Variants in AGMO observed in about 807,000 individuals in gnomAD.
The protein encoded by AGMO is glyceryl-ether monooxygenase.
Under a neutral mutation model 60.2 loss-of-function variants are expected in AGMO, and 75 were observed. That is an observed-to-expected ratio of 1.25 (90% CI 1.03 to 1.51). The LOEUF is 1.51. Ranked by LOEUF, AGMO falls within the 40% of genes most tolerant of loss-of-function variation. The pLI, the probability that AGMO is intolerant of heterozygous loss-of-function variation, is 0.00. For synonymous variants in AGMO, 261 were observed against 177.1 expected (o/e 1.47, Z -3.76); for missense variants, 763 against 525.5 (o/e 1.45, Z -4.42).
At chr7:15,142,337 G>A in the AGMO span, among the ~76,000 whole-genome samples, 8,940 of 152,142 alleles carry the variant, frequency 0.059, 388 homozygotes, top group African/African-American at 0.12. Flanking sequence ...CCTGGAGAAA[G>A]AAGCAAGACC....
At chr7:15,158,578 G>A in the AGMO span, among the ~76,000 whole-genome samples, 1 of 152,118 alleles carries the variant, frequency 6.6e-6, no homozygotes, top group Non-Finnish European at 1.5e-5. Flanking sequence ...TAGCATTCAT[G>A]CAAAGGAAAT....
At chr7:15,273,953 G>C (rs933018770) in intron 12 of AGMO, among the ~76,000 whole-genome samples, 1 of 152,142 alleles carries the variant, frequency 6.6e-6, no homozygotes, top group African/African-American at 2.4e-5. Flanking sequence ...GAATGCTTGT[G>C]ATTTTTGTAC....
At chr7:15,348,568 CTTCT>C (rs1246683551) in intron 12 of AGMO, among the ~76,000 whole-genome samples, 11 of 152,124 alleles carry the variant, frequency 7.2e-5, no homozygotes, top group African/African-American at 2.6e-4. Context: ...TTGTATTTTT[CTTCT>C]TTCTATAGCT....
chr7:15,407,385 A>G (rs1784735457), intron 5 of AGMO, among the ~76,000 whole-genome samples: 1 of 151,426 alleles, frequency 6.6e-6, no homozygotes, highest in Non-Finnish European at 1.5e-5. Context: ...ATAGAACAAG[A>G]AATGTATAGG....
chr7:15,302,770 G>A (rs1780482850), intron 12 of AGMO, among the ~76,000 whole-genome samples: 1 of 152,098 alleles, frequency 6.6e-6, no homozygotes, highest in Non-Finnish European at 1.5e-5. Context: ...TGGTACGGTT[G>A]CTGGAATACA....
At chr7:15,465,415 A>G (rs1316947833) in intron 3 of AGMO, among the ~76,000 whole-genome samples, 1 of 150,642 alleles carries the variant, frequency 6.6e-6, no homozygotes, top group African/African-American at 2.4e-5. Context: ...AAACAGAATA[A>G]AAGTCTCAAA....
intron 12 of AGMO, among the ~76,000 whole-genome samples, chr7:15,267,773 G>C (rs1343579610): frequency 6.6e-6 from 1 of 151,878 alleles, no homozygotes; most frequent in Non-Finnish European, 1.5e-5. Flanking sequence ...GGAAAAACTT[G>C]TAACAAAATG....
intron 5 of AGMO, among the ~76,000 whole-genome samples, chr7:15,404,145 A>G (rs1360535852): frequency 6.6e-6 from 1 of 151,930 alleles, no homozygotes; most frequent in Non-Finnish European, 1.5e-5. Flanking sequence ...CAGAGGGAGT[A>G]AATTTCTGAT....
intron 12 of AGMO, among the ~76,000 whole-genome samples, chr7:15,245,149 G>A (rs1181580524): frequency 6.6e-6 from 1 of 151,988 alleles, no homozygotes; most frequent in Non-Finnish European, 1.5e-5. Flanking sequence ...AGTAGATTAG[G>A]GTATTGTACA....
At chr7:15,365,263 G>A (rs921724504) in intron 12 of AGMO, among the ~76,000 whole-genome samples, 4 of 151,030 alleles carry the variant, frequency 2.6e-5, no homozygotes, top group Non-Finnish European at 4.4e-5. Context: ...GTTGTGTAAT[G>A]TAATGTGTCC....
Position 15,547,503 on chromosome 7 carries a change from G to A in AGMO, c.258-2580C>T, listed in dbSNP as rs1047810581. 5.9e-5 allele frequency among the ~76,000 whole-genome samples: 9 copies of A among 152,280 alleles called. No individual in the cohort carries two copies. In the South Asian group the frequency reaches 6.2e-4, roughly 11 times the overall value. ...AGCAGGGCAAGGCATTGCCTCACTC[G>A]GGAAGCGCAAGGGGTCAGGGAGTTC... On this transcript the variant is annotated intron_variant, in intron 2 of 12. Coordinates refer to ENST00000342526, the MANE Select transcript of AGMO (RefSeq NM_001004320.2).
intron 3 of AGMO, among the ~76,000 whole-genome samples, chr7:15,531,478 C>G (rs28892896): frequency 0.047 from 504 of 10,636 alleles, 80 homozygotes; most frequent in Admixed American, 0.074. Context: ...TATATATTCT[C>G]TATATATATT....
chr7:15,469,663 C>T lies in AGMO; in HGVS notation c.410-38555G>A, dbSNP rs796915471. ...GAATTTTGTGATTGTCTCAATGTGA[C>T]AGAATTAGAAAAAAAAAGTTAATGT... On this transcript the variant is annotated intron_variant, in intron 3 of 12. Transcript: ENST00000342526. Among the ~76,000 whole-genome samples the T allele has an allele frequency of 3.9e-5, 6 of 151,902 alleles. No homozygotes were observed. In the South Asian group the frequency reaches 6.2e-4, roughly 16 times the overall value.
intron 3 of AGMO, among the ~76,000 whole-genome samples, chr7:15,513,879 A>G (rs1783741858): frequency 6.6e-6 from 1 of 151,928 alleles, no homozygotes; most frequent in African/African-American, 2.4e-5. Context: ...TCACGCCACC[A>G]CCCTTCTGTG....
chr7:15,460,081 A>G (rs1051823428), intron 3 of AGMO, among the ~76,000 whole-genome samples: 1 of 151,012 alleles, frequency 6.6e-6, no homozygotes. Context: ...ACAAAGTTTC[A>G]AAGTAATTAT....
chr7:15,503,936 A>AT (rs1268018863), intron 3 of AGMO, among the ~76,000 whole-genome samples: 1 of 151,988 alleles, frequency 6.6e-6, no homozygotes, highest in Non-Finnish European at 1.5e-5. Context: ...ACATACTTTT[A>AT]TTTTTCAGGT....
At chr7:15,214,235 G>C (rs1781672297) in intron 12 of AGMO, among the ~76,000 whole-genome samples, 1 of 151,778 alleles carries the variant, frequency 6.6e-6, no homozygotes, top group South Asian at 2.1e-4. Context: ...TCACACTTTG[G>C]GACACTACGA....
intron 12 of AGMO, among the ~76,000 whole-genome samples, chr7:15,323,890 G>C (rs1043756904): frequency 1.3e-5 from 2 of 152,196 alleles, no homozygotes; most frequent in African/African-American, 4.8e-5. Context: ...TTAACTGCAA[G>C]CAAGGGTTTG....
At chr7:15,147,166 TAGA>T in the AGMO span, among the ~76,000 whole-genome samples, 2 of 152,090 alleles carry the variant, frequency 1.3e-5, no homozygotes, top group African/African-American at 4.8e-5. Flanking sequence ...ATGCCAACCT[TAGA>T]AGAAGTGGGA....
Sources: allele counts gnomAD v4.1 joint callset (sites outside exome capture counted in the v4.1 genomes callset), GRCh38; gene constraint gnomAD v4.1.1; transcripts MANE v1.5; gene names NCBI Gene and HGNC (gene_info 2026-07-23, HGNC 2026-07-21).